PRKN: variants seen among roughly 807,000 people sequenced by gnomAD.
PRKN encodes the protein E3 ubiquitin-protein ligase parkin.
A neutral mutation model predicts 59.5 loss-of-function variants in PRKN; 56 were observed. The ratio of observed to expected loss-of-function variants is 0.94; its 90% CI spans 0.76 to 1.18. The LOEUF is 1.18. Ranked by LOEUF, PRKN falls within the 50% of genes most tolerant of loss-of-function variation. PRKN has a pLI of 0.00. For missense variants in PRKN, 657 were observed against 596.4 expected, an observed-to-expected ratio of 1.10 and a Z score of -1.06; for synonymous variants, 250 against 222.1, an observed-to-expected ratio of 1.13 and a Z score of -1.12.
Position 161,548,703 on chromosome 6 carries a change from A to G in PRKN, c.1083+151T>C, listed in dbSNP as rs1779881868. 2 of 741,970 alleles carry G rather than the reference A, an allele frequency of 2.7e-6. No individual in the cohort carries two copies. The highest frequency in any genetic ancestry group is 1.8e-5 in the African/African-American group (1 of 56,314). The allele number at this position is 741,970 out of a possible 1,614,324, so 46.0% of individuals were successfully genotyped here. ...AATTTTCAAATCTGGAGTCCTATAA[A>G]GGAATTTAAAATCTATTTTCTTATA... On this transcript the variant is annotated intron_variant, in intron 9 of 11. Coordinates refer to ENST00000366898, the MANE Select transcript of PRKN (RefSeq NM_004562.3). The surrounding 1 kb of genome is among the most constrained non-coding windows in gnomAD (Gnocchi z 4.2).
intron 1 of PRKN, among the ~76,000 whole-genome samples, chr6:162,675,591 G>A (rs990959931): frequency 1.3e-5 from 2 of 152,082 alleles, no homozygotes; most frequent in Non-Finnish European, 2.9e-5. Context: ...AAAATAACCA[G>A]TATGCAGGAC....
chr6:162,479,280 C>T (rs545516328), intron 1 of PRKN, among the ~76,000 whole-genome samples: 9 of 151,314 alleles, frequency 5.9e-5, no homozygotes, highest in Admixed American at 2.0e-4. Flanking sequence ...GGTTGGAGTG[C>T]GGTGGTGTGA....
chr6:161,978,407 G>A (rs1781135088), intron 5 of PRKN, among the ~76,000 whole-genome samples: 1 of 152,160 alleles, frequency 6.6e-6, no homozygotes, highest in South Asian at 2.1e-4. Flanking sequence ...AGTCTTTTCT[G>A]ACACTTCCAA....
chr6:161,891,667 G>A (rs1488869120), intron 6 of PRKN, among the ~76,000 whole-genome samples: 1 of 152,146 alleles, frequency 6.6e-6, no homozygotes, highest in Admixed American at 6.5e-5. Flanking sequence ...AGACTACAGG[G>A]GATTTGTGAA....
chr6:161,504,076 T>C (rs547726862), intron 9 of PRKN, among the ~76,000 whole-genome samples: 19 of 152,318 alleles, frequency 1.2e-4, no homozygotes, highest in Non-Finnish European at 1.9e-4. Context: ...GCTATACCGA[T>C]GACATGGGTA....
chr6:162,521,953 G>A (rs566179733), intron 1 of PRKN, among the ~76,000 whole-genome samples: 2 of 152,180 alleles, frequency 1.3e-5, no homozygotes, highest in East Asian at 1.9e-4. Flanking sequence ...GAGGTTTGAC[G>A]CAATGGAATA....
At chr6:161,655,404 T>A (rs1383539582) in intron 7 of PRKN, among the ~76,000 whole-genome samples, 1 of 150,834 alleles carries the variant, frequency 6.6e-6, no homozygotes, top group Non-Finnish European at 1.5e-5. Context: ...ACAGAGGCGT[T>A]CCTGGGCCCA....
intron 7 of PRKN, among the ~76,000 whole-genome samples, chr6:161,571,208 G>T (rs933871565): frequency 6.6e-6 from 1 of 152,180 alleles, no homozygotes; most frequent in Non-Finnish European, 1.5e-5. Context: ...GCCTCACAAA[G>T]TGCTGGGATT....
At chr6:161,425,274 A>C (rs116139071) in intron 9 of PRKN, among the ~76,000 whole-genome samples, 12 of 152,162 alleles carry the variant, frequency 7.9e-5, no homozygotes, top group Non-Finnish European at 1.6e-4. Flanking sequence ...CGTGTTAGAG[A>C]GCAGTGGGCA....
At chr6:162,051,234 C>T (rs1241175494) in intron 5 of PRKN, among the ~76,000 whole-genome samples, 1 of 152,108 alleles carries the variant, frequency 6.6e-6, no homozygotes, top group African/African-American at 2.4e-5. Context: ...AAAGTTCCCA[C>T]TCACTCAGCA....
At chr6:162,356,527 T>C (rs1366568996) in intron 2 of PRKN, among the ~76,000 whole-genome samples, 1 of 142,452 alleles carries the variant, frequency 7.0e-6, no homozygotes, top group African/African-American at 2.7e-5. Context: ...TAATCTAATA[T>C]ATAATACATT....
intron 7 of PRKN, among the ~76,000 whole-genome samples, chr6:161,572,825 G>A (rs774842039): frequency 7.9e-5 from 12 of 152,116 alleles, no homozygotes; most frequent in Admixed American, 2.0e-4. Flanking sequence ...TAGAGACCAC[G>A]GAGACTTGCA....
chr6:162,087,885 C>T (rs1779318752), intron 4 of PRKN, among the ~76,000 whole-genome samples: 1 of 152,166 alleles, frequency 6.6e-6, no homozygotes. Flanking sequence ...AGTCACTGCG[C>T]CCGGCCAATA....
At chr6:162,677,673 G>A (rs1779607026) in intron 1 of PRKN, among the ~76,000 whole-genome samples, 1 of 152,126 alleles carries the variant, frequency 6.6e-6, no homozygotes, top group Non-Finnish European at 1.5e-5. Context: ...TCGATTGCTA[G>A]TATGTAATGC....
intron 7 of PRKN, among the ~76,000 whole-genome samples, chr6:161,609,527 C>T (rs1782412258): frequency 6.6e-6 from 1 of 152,082 alleles, no homozygotes; most frequent in South Asian, 2.1e-4. Flanking sequence ...CACTAAATGA[C>T]AAATGTGAGG....
In PRKN at chr6:161,549,133, T is replaced by C; in HGVS notation, c.934-130A>G. ...AAAATAATGCATGTGTGTGTGTGTGTGTGTGTGTAGGGGGAGGGAGAGGGC... is the reference window on the plus strand; with the variant it reads ...AAAATAATGCATGTGTGTGTGTGTGCGTGTGTGTAGGGGGAGGGAGAGGGC... On this transcript the variant is annotated intron_variant, in intron 8 of 11. Transcript: ENST00000366898. The surrounding 1 kb of genome is among the most constrained non-coding windows in gnomAD (Gnocchi z 6.0). 3.1e-6 allele frequency: 3 copies of C among 971,084 alleles called. No individual in the cohort carries two copies. Among genetic ancestry groups the C allele is most frequent in the South Asian group, 2.8e-5 (2 of 70,454 alleles). The allele number at this position is 971,084 out of a possible 1,614,324, so 60.2% of individuals were successfully genotyped here.
intron 2 of PRKN, among the ~76,000 whole-genome samples, chr6:162,295,213 G>C (rs1462051499): frequency 3.3e-5 from 5 of 152,146 alleles, no homozygotes; most frequent in Non-Finnish European, 7.3e-5. Context: ...CCATATGGAG[G>C]CTTTCTTCCT....
chr6:161,895,587 G>T (rs187391217), intron 6 of PRKN, among the ~76,000 whole-genome samples: 1 of 116,510 alleles, frequency 8.6e-6, no homozygotes, highest in African/African-American at 3.4e-5. Flanking sequence ...CCCCAGTGAG[G>T]CTTCTGAGAT....
intron 1 of PRKN, chr6:162,624,356 A>T (rs1402377697): frequency 4.6e-5 from 7 of 152,194 alleles, no homozygotes; most frequent in African/African-American, 1.2e-4. Context: ...TACATTTTTC[A>T]TGAATATTTA....
Sources: allele counts gnomAD v4.1 joint callset (sites outside exome capture counted in the v4.1 genomes callset), GRCh38; gene constraint gnomAD v4.1.1; non-coding constraint Gnocchi (gnomAD v3.1); transcripts MANE v1.5; gene names NCBI Gene and HGNC (gene_info 2026-07-23, HGNC 2026-07-21).